Variants in SCNN1B observed in about 807,000 individuals in gnomAD.
SCNN1B encodes the protein epithelial sodium channel subunit beta.
Under a neutral mutation model 65.3 loss-of-function variants are expected in SCNN1B, and 46 were observed. The ratio of observed to expected loss-of-function variants is 0.70; its 90% CI spans 0.56 to 0.90. The LOEUF (loss-of-function observed/expected upper bound fraction) is 0.90, where lower values mean the gene tolerates loss of function less well. Among genes scored for constraint, SCNN1B ranks in the 40% least tolerant of loss-of-function variants. The probability of loss-of-function intolerance (pLI) is 0.00; values close to 1 mark genes in which losing one functional copy is unlikely to be tolerated. For synonymous variants in SCNN1B, 349 were observed against 330.6 expected, an observed-to-expected ratio of 1.06 and a Z score of -0.60; for missense variants, 751 against 830.5, an observed-to-expected ratio of 0.90 and a Z score of 1.18.
At chr16:23,314,107 C>A (rs1479347334) in intron 1 of SCNN1B, among the ~76,000 whole-genome samples, 5 of 152,164 alleles carry the variant, frequency 3.3e-5, no homozygotes, top group African/African-American at 4.8e-5. Context: ...GCAGCCTCAA[C>A]ATCCCAGGCT....
intron 1 of SCNN1B, among the ~76,000 whole-genome samples, chr16:23,341,752 A>G (rs1962058907): frequency 6.6e-6 from 1 of 152,224 alleles, no homozygotes; most frequent in Non-Finnish European, 1.5e-5. Context: ...CTATCAGGAA[A>G]ACGCAAATTG....
intron 4 of SCNN1B, among the ~76,000 whole-genome samples, chr16:23,361,010 G>A (rs1011730462): frequency 6.6e-6 from 1 of 152,102 alleles, no homozygotes; most frequent in African/African-American, 2.4e-5. Context: ...TAGCCAGGAT[G>A]GTCTTGATCT....
intron 2 of SCNN1B, among the ~76,000 whole-genome samples, chr16:23,286,246 C>T (rs1176462220): frequency 6.6e-6 from 1 of 152,170 alleles, no homozygotes; most frequent in Non-Finnish European, 1.5e-5. Context: ...TAGAACTTTG[C>T]AACTCCGAAC....
intron 4 of SCNN1B, among the ~76,000 whole-genome samples, chr16:23,358,787 A>C (rs1315123956): frequency 6.6e-6 from 1 of 152,154 alleles, no homozygotes; most frequent in Non-Finnish European, 1.5e-5. Flanking sequence ...CATGCCTGTA[A>C]TCCCGGCTAC....
At chr16:23,371,919 C>T in intron 7 of SCNN1B, 36 bp downstream of exon 7, 1 of 1,492,180 alleles carries the variant, frequency 6.7e-7, no homozygotes. Flanking sequence ...CCCCGGGGCC[C>T]CTGTCCGGGT....
chr16:23,329,059 C>G (rs1961754688), intron 1 of SCNN1B, among the ~76,000 whole-genome samples: 1 of 151,358 alleles, frequency 6.6e-6, no homozygotes, highest in Non-Finnish European at 1.5e-5. Flanking sequence ...CTCGGCCTCC[C>G]AAAGTGCTGG....
intron 2 of SCNN1B, among the ~76,000 whole-genome samples, chr16:23,349,534 A>G (rs1305991909): frequency 5.9e-5 from 9 of 152,184 alleles, no homozygotes; most frequent in Admixed American, 5.9e-4. Context: ...TGGGTAACAG[A>G]TGCTATCTCT....
chr16:23,311,805 G>A (rs116962373), intron 1 of SCNN1B, among the ~76,000 whole-genome samples: 207 of 152,286 alleles, frequency 1.4e-3, no homozygotes, highest in Non-Finnish European at 2.5e-3. Flanking sequence ...TACATGCCTG[G>A]CTCATTAATG....
At chr16:23,319,238 C>T (rs1056847640) in intron 1 of SCNN1B, among the ~76,000 whole-genome samples, 4 of 152,078 alleles carry the variant, frequency 2.6e-5, no homozygotes, top group Admixed American at 2.6e-4. Flanking sequence ...GACAGGGTTT[C>T]ACCGTGTTAG....
At chr16:23,283,203 G>A (rs1567283558) in intron 1 of SCNN1B, among the ~76,000 whole-genome samples, 1 of 152,330 alleles carries the variant, frequency 6.6e-6, no homozygotes, top group East Asian at 1.9e-4. Flanking sequence ...TTGAGGTCAG[G>A]AGTTGAAGAC....
chr16:23,360,714 GC>G (rs775529644), intron 4 of SCNN1B, among the ~76,000 whole-genome samples: 1 of 149,818 alleles, frequency 6.7e-6, no homozygotes, highest in African/African-American at 2.5e-5. Context: ...TCGTGTCTCA[GC>G]CCCCCGAGTA....
rs188713885 is a variant in SCNN1B, at chr16:23,344,713, G to C, written c.-8-3879G>C. ...TTCCTATCAGAGAATGGAGTTGGAG[G>C]TGGGGTGCAGTGGCTCACACCTGTA... On this transcript the variant is annotated intron_variant, in intron 1 of 12. Transcript: ENST00000343070. Among the ~76,000 whole-genome samples, 718 of 152,312 alleles carry C rather than the reference G, an allele frequency of 4.7e-3. 5 individuals are homozygous for C. Among genetic ancestry groups the C allele is most frequent in the Non-Finnish European group, 7.9e-3 (540 of 68,024 alleles).
chr16:23,357,972 C>A (rs561166182), intron 4 of SCNN1B, among the ~76,000 whole-genome samples: 3 of 152,344 alleles, frequency 2.0e-5, no homozygotes, highest in African/African-American at 7.2e-5. Context: ...AGTGCATGGC[C>A]CATCTGCTCA....
intron 1 of SCNN1B, among the ~76,000 whole-genome samples, chr16:23,345,645 A>G (rs1281358574): frequency 1.3e-5 from 2 of 152,202 alleles, no homozygotes; most frequent in Non-Finnish European, 2.9e-5. Context: ...ATTGAGTCCT[A>G]ATGTTCCACT....
At chr16:23,307,771 C>T (rs1961253098) in intron 1 of SCNN1B, among the ~76,000 whole-genome samples, 1 of 152,184 alleles carries the variant, frequency 6.6e-6, no homozygotes, top group African/African-American at 2.4e-5. Flanking sequence ...TTGGAAATGC[C>T]AGGCGCAGTG....
At chr16:23,316,575 C>CCACCAT (rs1961471708) in intron 1 of SCNN1B, among the ~76,000 whole-genome samples, 1 of 130,670 alleles carries the variant, frequency 7.7e-6, no homozygotes, top group Non-Finnish European at 1.5e-5. Flanking sequence ...CTCACCATCA[C>CCACCAT]CACCATCACC....
At chr16:23,318,770 T>C (rs1276592114) in intron 1 of SCNN1B, among the ~76,000 whole-genome samples, 2 of 152,174 alleles carry the variant, frequency 1.3e-5, no homozygotes, top group African/African-American at 4.8e-5. Flanking sequence ...CCAACGAAAT[T>C]GCCAGCCAGA....
At chr16:23,313,795 A>T (rs1961394086) in intron 1 of SCNN1B, among the ~76,000 whole-genome samples, 1 of 152,166 alleles carries the variant, frequency 6.6e-6, no homozygotes, top group East Asian at 1.9e-4. Context: ...TATTTTTAGT[A>T]GAGACAGGGT....
intron 4 of SCNN1B, among the ~76,000 whole-genome samples, chr16:23,366,228 A>G (rs1962666222): frequency 6.6e-6 from 1 of 151,970 alleles, no homozygotes; most frequent in African/African-American, 2.4e-5. Flanking sequence ...TTTTTGATAC[A>G]GAGTCTCACT....
Sources: allele counts gnomAD v4.1 joint callset (sites outside exome capture counted in the v4.1 genomes callset), GRCh38; gene constraint gnomAD v4.1.1; transcripts MANE v1.5; gene names NCBI Gene and HGNC (gene_info 2026-07-23, HGNC 2026-07-21).